The following NAALADL2 variants were observed in gnomAD, a reference collection of about 807,000 sequenced individuals.
NAALADL2 encodes inactive N-acetylated-alpha-linked acidic dipeptidase-like protein 2.
A neutral mutation model predicts 87.2 loss-of-function variants in NAALADL2; 76 were observed. That is an observed-to-expected ratio of 0.87 (90% CI 0.72 to 1.05). NAALADL2 has a LOEUF of 1.05. NAALADL2 is among the 50% of genes least tolerant of loss of function. The pLI is 0.00. For synonymous variants in NAALADL2, 354 were observed against 331.0 expected (o/e 1.07, Z -0.75); for missense variants, 1,089 against 945.8 (o/e 1.15, Z -1.99).
chr3:174,650,858 A>T (rs2108754441), intron 2 of NAALADL2, among the ~76,000 whole-genome samples: 1 of 152,292 alleles, frequency 6.6e-6, no homozygotes, highest in African/African-American at 2.4e-5. Flanking sequence ...CTATAGATTT[A>T]TCCATGATTG....
Position 175,175,218 on chromosome 3 carries a change from A to G in NAALADL2, c.546-58713A>G, listed in dbSNP as rs112441636. Among the ~76,000 whole-genome samples the G allele has an allele frequency of 8.3e-3, 1,262 of 152,184 alleles. 21 individuals carry two copies. The highest frequency in any genetic ancestry group is 0.028 in the African/African-American group (1,184 of 41,558). The stretch of plus-strand genomic sequence containing the variant: ...AAGAGAGAAATGATCATGCTTTGTA[A>G]ATACTTTGACAGGATTTAGTGTGTG... On this transcript the variant is annotated intron_variant, in intron 2 of 13. Coordinates refer to ENST00000454872, the MANE Select transcript of NAALADL2 (RefSeq NM_207015.3).
intron 5 of NAALADL2, among the ~76,000 whole-genome samples, chr3:175,354,435 A>G (rs887627705): frequency 6.6e-6 from 1 of 151,934 alleles, no homozygotes; most frequent in Non-Finnish European, 1.5e-5. Context: ...TATTAGTAAT[A>G]CTCAAGAAAT....
chr3:174,862,991 A>C (rs1726687906), intron 1 of NAALADL2, among the ~76,000 whole-genome samples: 1 of 152,230 alleles, frequency 6.6e-6, no homozygotes, highest in Middle Eastern at 3.4e-3. Flanking sequence ...AGCTCTAGAT[A>C]GCAACCAGCA....
intron 4 of NAALADL2, among the ~76,000 whole-genome samples, chr3:175,298,139 T>G (rs190209111): frequency 1.2e-3 from 179 of 152,300 alleles, no homozygotes; most frequent in African/African-American, 4.1e-3. Context: ...TACTCATATT[T>G]AATGAATGAA....
At chr3:175,323,789 G>C (rs576150443) in intron 4 of NAALADL2, among the ~76,000 whole-genome samples, 301 of 151,882 alleles carry the variant, frequency 2.0e-3, no homozygotes, top group African/African-American at 6.9e-3. Context: ...AGGCCGAGGT[G>C]GGCGGATCAC....
Position 174,581,101 on chromosome 3 carries a change from G to A in NAALADL2, c.-115+30464G>A, listed in dbSNP as rs888891765. Among the ~76,000 whole-genome samples, 9 of 152,240 alleles carry A rather than the reference G, an allele frequency of 5.9e-5. 1 individual carries two copies. The East Asian group carries it at 1.7e-3, about 29-fold the overall frequency. ...GGCATGGGAAGCAAATGTAGAAATT[G>A]TTTCAAAAAATAAGTTATCTAATAA... is the stretch of plus-strand genomic sequence containing the variant. On this transcript the variant is annotated intron_variant, in intron 2 of 3. Transcript: ENST00000434257.
intron 4 of NAALADL2, among the ~76,000 whole-genome samples, chr3:175,281,359 T>A (rs537297248): frequency 6.6e-6 from 1 of 151,994 alleles, no homozygotes; most frequent in South Asian, 2.1e-4. Flanking sequence ...TTTCCATGTA[T>A]AAGATTCTTA....
intron 1 of NAALADL2, among the ~76,000 whole-genome samples, chr3:175,026,976 T>C (rs1423031191): frequency 1.3e-5 from 2 of 152,172 alleles, no homozygotes; most frequent in African/African-American, 2.4e-5. Flanking sequence ...ACTCTGTATA[T>C]GGCAACAATA....
chr3:174,708,230 T>C (rs1411169870), intron 2 of NAALADL2, among the ~76,000 whole-genome samples: 1 of 152,184 alleles, frequency 6.6e-6, no homozygotes, highest in African/African-American at 2.4e-5. Flanking sequence ...ATGGGTATGA[T>C]AAATGGAAGA....
intron 2 of NAALADL2, among the ~76,000 whole-genome samples, chr3:174,632,244 G>A (rs1028018322): frequency 1.2e-4 from 19 of 152,038 alleles, no homozygotes; most frequent in African/African-American, 4.6e-4. Context: ...GTTTAAAAAC[G>A]CTAAACACGT....
At chr3:174,508,677 G>A (rs926421664) in intron 1 of NAALADL2, among the ~76,000 whole-genome samples, 6 of 152,128 alleles carry the variant, frequency 3.9e-5, no homozygotes, top group East Asian at 1.9e-4. Context: ...TCATTTGCAG[G>A]GCACAAGACT....
intron 9 of NAALADL2, among the ~76,000 whole-genome samples, chr3:175,493,420 G>A (rs1728375360): frequency 6.6e-6 from 1 of 151,962 alleles, no homozygotes; most frequent in Non-Finnish European, 1.5e-5. Context: ...CCCTCTTAAG[G>A]AAACATAATA....
At chr3:174,895,620 A>G (rs1426278665) in intron 1 of NAALADL2, among the ~76,000 whole-genome samples, 3 of 152,164 alleles carry the variant, frequency 2.0e-5, no homozygotes, top group South Asian at 2.1e-4. Context: ...ACGAACACCA[A>G]TCCTACTCAA....
upstream of NAALADL2, among the ~76,000 whole-genome samples, chr3:174,856,530 C>G (rs943435887): frequency 6.6e-6 from 1 of 152,120 alleles, no homozygotes; most frequent in African/African-American, 2.4e-5. Context: ...CTGTAGGTGC[C>G]TGTTAGCCAC....
At chr3:174,830,805 C>A (rs1435856293) in intron 3 of NAALADL2, among the ~76,000 whole-genome samples, 1 of 152,084 alleles carries the variant, frequency 6.6e-6, no homozygotes, top group Non-Finnish European at 1.5e-5. Context: ...TGTAGTTCTC[C>A]TTGAAGAGGT....
At chr3:174,804,179 C>A (rs1180745803) in intron 3 of NAALADL2, among the ~76,000 whole-genome samples, 1 of 152,044 alleles carries the variant, frequency 6.6e-6, no homozygotes, top group Non-Finnish European at 1.5e-5. Context: ...TGAGGAGGTC[C>A]TTCACATCCC....
intron 3 of NAALADL2, among the ~76,000 whole-genome samples, chr3:174,756,369 C>G (rs965836859): frequency 1.3e-5 from 2 of 152,174 alleles, no homozygotes; most frequent in Admixed American, 1.3e-4. Context: ...GTCTGGACTT[C>G]TCCTATATAT....
At chr3:175,071,842 G>C (rs554095142) in intron 1 of NAALADL2, among the ~76,000 whole-genome samples, 6 of 151,964 alleles carry the variant, frequency 3.9e-5, no homozygotes, top group Non-Finnish European at 7.4e-5. Context: ...GAAATAACTA[G>C]TTATTTAATT....
intron 4 of NAALADL2, among the ~76,000 whole-genome samples, chr3:175,287,307 A>G (rs1293363157): frequency 1.3e-5 from 2 of 152,328 alleles, no homozygotes; most frequent in East Asian, 3.9e-4. Flanking sequence ...AACATTTCAC[A>G]TATCCAGCAA....
Sources: gnomAD v4.1 joint callset for allele counts (sites outside exome capture counted in the v4.1 genomes callset) on GRCh38, gnomAD v4.1.1 for gene constraint, MANE v1.5 for transcripts, NCBI Gene and HGNC (gene_info 2026-07-23, HGNC 2026-07-21) for gene names.